ZNF609: variants seen among roughly 807,000 people sequenced by gnomAD.
ZNF609 encodes zinc finger protein 609.
In ZNF609, 11 loss-of-function variants were observed where a neutral mutation model predicts 109.5. That is an observed-to-expected ratio of 0.10 (90% CI 0.06 to 0.17). The LOEUF is 0.17. Among genes scored for constraint, ZNF609 ranks in the 10% least tolerant of loss-of-function variants. The probability of loss-of-function intolerance (pLI) is 1.00; values close to 1 mark genes in which losing one functional copy is unlikely to be tolerated. For synonymous variants in ZNF609, 646 were observed against 662.0 expected, an observed-to-expected ratio of 0.98 and a Z score of 0.37; for missense variants, 1,559 against 1,772.4, an observed-to-expected ratio of 0.88 and a Z score of 2.16.
intron 2 of ZNF609, among the ~76,000 whole-genome samples, chr15:64,542,472 A>G (rs1894280717): frequency 6.6e-6 from 1 of 152,236 alleles, no homozygotes; most frequent in African/African-American, 2.4e-5. Context: ...TCAGCTCTGT[A>G]ACACTGAAAT....
chr15:64,670,695 A>G (rs1384963155), intron 4 of ZNF609, among the ~76,000 whole-genome samples: 1 of 151,680 alleles, frequency 6.6e-6, no homozygotes, highest in Non-Finnish European at 1.5e-5. Flanking sequence ...CCTGACCAAC[A>G]TGGAGAAACC....
intron 2 of ZNF609, among the ~76,000 whole-genome samples, chr15:64,572,082 G>C (rs959590515): frequency 9.2e-5 from 14 of 152,192 alleles, no homozygotes; most frequent in African/African-American, 3.4e-4. Context: ...TGCAAAAGTT[G>C]AGAAAGGGAA....
chr15:64,530,083 C>T (rs1237059193), intron 2 of ZNF609, among the ~76,000 whole-genome samples: 3 of 150,678 alleles, frequency 2.0e-5, no homozygotes, highest in East Asian at 2.0e-4. Flanking sequence ...GGTGTGATCT[C>T]GGCTCACTGC....
chr15:64,519,140 G>A (rs1331498208), intron 2 of ZNF609, among the ~76,000 whole-genome samples: 1 of 141,834 alleles, frequency 7.1e-6, no homozygotes, highest in African/African-American at 2.8e-5. Context: ...GGGCGGGGGC[G>A]GGTCAGGGAA....
chr15:64,658,297 A>G (rs1230327587), intron 3 of ZNF609, among the ~76,000 whole-genome samples: 1 of 152,022 alleles, frequency 6.6e-6, no homozygotes, highest in Non-Finnish European at 1.5e-5. Flanking sequence ...TCCCAGGTTC[A>G]AGCAATTCTC....
intron 2 of ZNF609, among the ~76,000 whole-genome samples, chr15:64,563,503 G>A (rs954841918): frequency 1.1e-4 from 17 of 152,126 alleles, no homozygotes; most frequent in East Asian, 1.9e-4. Context: ...TTGGCGGGGC[G>A]CAGTAGCTCA....
chr15:64,530,213 A>G (rs1894039508), intron 2 of ZNF609, among the ~76,000 whole-genome samples: 2 of 151,460 alleles, frequency 1.3e-5, no homozygotes, highest in South Asian at 4.2e-4. Flanking sequence ...ATGGGGTTTC[A>G]TCATGTTGGC....
At chr15:64,572,308 C>A (rs1294879737) in intron 2 of ZNF609, among the ~76,000 whole-genome samples, 1 of 152,096 alleles carries the variant, frequency 6.6e-6, no homozygotes, top group African/African-American at 2.4e-5. Context: ...CCAGCCTGGG[C>A]CCCATTGTGA....
chr15:64,555,901 A>AG (rs1567013405), intron 2 of ZNF609, among the ~76,000 whole-genome samples: 1 of 151,164 alleles, frequency 6.6e-6, no homozygotes. Flanking sequence ...AAAAAAAAAA[A>AG]AAAAAAAAAA....
intron 1 of ZNF609, among the ~76,000 whole-genome samples, chr15:64,493,868 G>C (rs556031624): frequency 1.3e-5 from 2 of 152,292 alleles, no homozygotes; most frequent in South Asian, 4.1e-4. Flanking sequence ...TCTCTGCAAT[G>C]ACCTGTCAAA....
chr15:64,594,474 A>G (rs1307545044), intron 2 of ZNF609, among the ~76,000 whole-genome samples: 2 of 151,766 alleles, frequency 1.3e-5, no homozygotes, highest in Non-Finnish European at 2.9e-5. Context: ...CTGGGACTAC[A>G]GGCTCTTAAC....
intron 2 of ZNF609, among the ~76,000 whole-genome samples, chr15:64,602,205 C>G (rs554373151): frequency 6.6e-6 from 1 of 152,274 alleles, no homozygotes; most frequent in East Asian, 1.9e-4. Context: ...TTATTTAACA[C>G]TAGCCCATTT....
intron 2 of ZNF609, among the ~76,000 whole-genome samples, chr15:64,600,676 G>A (rs1431465311): frequency 3.2e-5 from 4 of 124,528 alleles, no homozygotes; most frequent in East Asian, 2.7e-4. Flanking sequence ...GGGTGGGGGC[G>A]GGAGAAGAGG....
intron 4 of ZNF609, among the ~76,000 whole-genome samples, chr15:64,672,162 G>A (rs1451366225): frequency 4.0e-5 from 6 of 150,054 alleles, no homozygotes; most frequent in East Asian, 2.0e-4. Context: ...ACAGGCGCCC[G>A]CCACCACGCC....
At chr15:64,596,787 G>A (rs542572931) in intron 2 of ZNF609, among the ~76,000 whole-genome samples, 4 of 152,240 alleles carry the variant, frequency 2.6e-5, no homozygotes, top group Admixed American at 1.3e-4. Context: ...GTTGGGTTCT[G>A]TTATCCTAGG....
rs1894013283 is a variant in ZNF609 at position 64,528,953 on chromosome 15, A to G, written c.747+28787A>G. On this transcript the variant is annotated intron_variant, in intron 2 of 9. Transcript: ENST00000326648. Reference sequence around the variant, plus strand: ...AGACGACAGGTCAGGTCCGCCACTGACACATTGGCAGTGGGGACATGGAAG... The same window carrying G: ...AGACGACAGGTCAGGTCCGCCACTGGCACATTGGCAGTGGGGACATGGAAG... 30 of 1,362,950 alleles carry G rather than the reference A, an allele frequency of 2.2e-5. No individual in the cohort carries two copies. In the South Asian group the frequency reaches 3.6e-4, roughly 16 times the overall value. 84.4% of individuals were successfully genotyped at this position (1,362,950 alleles called of 1,614,324 possible). A position where few individuals can be genotyped will look rare whatever the true frequency, so the allele number is the denominator to read the frequency against.
At chr15:64,666,955 G>A (rs1434806618) in intron 3 of ZNF609, among the ~76,000 whole-genome samples, 1 of 152,082 alleles carries the variant, frequency 6.6e-6, no homozygotes, top group Non-Finnish European at 1.5e-5. Flanking sequence ...GGTAAACCCT[G>A]TCTCTACTAA....
intron 2 of ZNF609, among the ~76,000 whole-genome samples, chr15:64,541,135 T>TG (rs1262471663): frequency 4.0e-5 from 6 of 149,348 alleles, no homozygotes; most frequent in Middle Eastern, 3.6e-3. Context: ...AGAAAAGAAT[T>TG]GCGTTTTTCT....
Position 64,674,003 on chromosome 15 carries a change from C to G in ZNF609, c.1149C>G (p.Val383=), listed in dbSNP as rs1338673391. Residue 383 remains valine, a synonymous_variant, in exon 5 of 10, where the codon GTC becomes GTG. Coordinates refer to ENST00000326648, the MANE Select transcript of ZNF609 (RefSeq NM_015042.2). ...TGCGTCCCAACAGTAATACACCTGT[C>G]AATGAGACAGCCACAGCCTCTGACA... ...KRMRPNSNTP[V]NETATASDSK... The G allele has an allele frequency of 6.2e-7, 1 of 1,614,152 alleles. No homozygotes were observed. Among genetic ancestry groups the G allele is most frequent in the Non-Finnish European group, 8.5e-7 (1 of 1,180,048 alleles).
Sources: allele counts gnomAD v4.1 joint callset (sites outside exome capture counted in the v4.1 genomes callset), GRCh38; gene constraint gnomAD v4.1.1; transcripts MANE v1.5; gene names NCBI Gene and HGNC (gene_info 2026-07-23, HGNC 2026-07-21).